DIAPH2: variants seen among roughly 807,000 people sequenced by gnomAD.
DIAPH2 encodes protein diaphanous homolog 2.
DIAPH2 carries 35 observed loss-of-function variants against 92.7 expected under a neutral mutation model. That is an observed-to-expected ratio of 0.38 (90% CI 0.29 to 0.50). The LOEUF is 0.50. DIAPH2 is among the 20% of genes least tolerant of loss of function. The probability of loss-of-function intolerance (pLI) is 0.94; values close to 1 mark genes in which losing one functional copy is unlikely to be tolerated. For missense variants in DIAPH2, 701 were observed against 819.5 expected (o/e 0.86, Z 1.77); for synonymous variants, 301 against 280.4 (o/e 1.07, Z -0.73).
intron 16 of DIAPH2, among the ~76,000 whole-genome samples, chrX:96,962,284 T>TATACAC (rs1556309981): frequency 5.4e-5 from 4 of 73,571 alleles, no homozygotes; most frequent in Admixed American, 1.6e-4. Context: ...CATATATATA[T>TATACAC]ACATATATAT....
intron 23 of DIAPH2, among the ~76,000 whole-genome samples, chrX:97,327,226 G>A (rs2068958786): frequency 9.1e-6 from 1 of 109,413 alleles, no homozygotes; most frequent in Non-Finnish European, 1.9e-5. Context: ...AGCCTCCAAA[G>A]TAGCTGGGAT....
At chrX:96,901,350 CTTCT>C (rs1257561416) in intron 5 of DIAPH2, among the ~76,000 whole-genome samples, 2 of 107,777 alleles carry the variant, frequency 1.9e-5, no homozygotes, top group African/African-American at 3.4e-5. Context: ...CATCTTCTCT[CTTCT>C]TTCTTTAATT....
chrX:97,390,208 CTTTTTTTTTTTTTT>C lies in DIAPH2; in HGVS notation c.3145+6180_3145+6193del, dbSNP rs142044871. Among the ~76,000 whole-genome samples the C allele has an allele frequency of 3.9e-4, 13 of 33,176 alleles. 1 individual carries two copies. The highest frequency in any genetic ancestry group is 6.0e-3 in the South Asian group (1 of 166). The allele number at this position is 33,176 out of a possible 115,157, so 28.8% of individuals were successfully genotyped here. ...GTTTATCTTTTTCCCTGCTTTCTGT[CTTTTTTTTTTTTTT>C]TTTTTTTTTTTTTTTGAGACAGGGT... On this transcript the variant is annotated intron_variant, in intron 25 of 26. Coordinates refer to ENST00000324765, the MANE Select transcript of DIAPH2 (RefSeq NM_006729.5).
chrX:97,287,019 A>G (rs1218543184), intron 23 of DIAPH2, among the ~76,000 whole-genome samples: 1 of 111,518 alleles, frequency 9.0e-6, no homozygotes. Flanking sequence ...CTTTTCCTCC[A>G]CTACATTTAC....
chrX:96,718,336 GTTTTTTTTTTTTTTTT>G (rs962776012), intron 1 of DIAPH2, among the ~76,000 whole-genome samples: 32 of 10,976 alleles, frequency 2.9e-3, no homozygotes, highest in East Asian at 6.9e-3. Flanking sequence ...CATTTTCTTT[GTTTTTTTTTTTTTTTT>G]TTTTTTTTTT....
intron 25 of DIAPH2, among the ~76,000 whole-genome samples, chrX:97,414,603 G>A (rs1342270801): frequency 9.7e-6 from 1 of 103,531 alleles, no homozygotes; most frequent in Non-Finnish European, 2.0e-5. Context: ...CAGTGAGTGG[G>A]AGATCACGCC....
chrX:96,961,715 G>GT (rs1354907470), intron 16 of DIAPH2, among the ~76,000 whole-genome samples: 3 of 108,172 alleles, frequency 2.8e-5, no homozygotes, highest in East Asian at 2.9e-4. Flanking sequence ...TTGATATATT[G>GT]TTTTTTTAAT....
rs866854661 is a variant in DIAPH2, at chrX:97,185,306, A to T, written c.2719+43512A>T. On this transcript the variant is annotated intron_variant, in intron 22 of 26. Transcript: ENST00000324765. ...TGAGACCCTGTCTCAAAAAAAAAAA[A>T]ATATATATATATATATATGTGTATA... Among the ~76,000 whole-genome samples, 54 of 34,452 alleles carry T rather than the reference A, an allele frequency of 1.6e-3. 3 individuals are homozygous for T. The highest frequency in any genetic ancestry group is 0.018 in the Middle Eastern group (1 of 56). The allele number at this position is 34,452 out of a possible 115,157, so 29.9% of individuals were successfully genotyped here.
chrX:97,305,123 C>T (rs1299420416), intron 23 of DIAPH2, among the ~76,000 whole-genome samples: 2 of 112,114 alleles, frequency 1.8e-5, no homozygotes, highest in Admixed American at 1.9e-4. Flanking sequence ...CTGTCCTAAG[C>T]TGAGCTGAGG....
chrX:97,340,360 A>G (rs769623298), intron 23 of DIAPH2, among the ~76,000 whole-genome samples: 1 of 111,441 alleles, frequency 9.0e-6, no homozygotes, highest in East Asian at 2.8e-4. Context: ...AGTCACACCA[A>G]TCATAATGGT....
chrX:96,749,701 G>A, intron 3 of DIAPH2, among the ~76,000 whole-genome samples: 1 of 111,611 alleles, frequency 9.0e-6, no homozygotes, highest in Non-Finnish European at 1.9e-5. Context: ...GGTTTAAATT[G>A]GACTTTAATA....
intron 22 of DIAPH2, among the ~76,000 whole-genome samples, chrX:97,144,343 GA>G (rs770389806): frequency 9.0e-6 from 1 of 111,277 alleles, no homozygotes; most frequent in East Asian, 2.8e-4. Flanking sequence ...ATTAAAGAAA[GA>G]AATAATACGT....
chrX:96,972,809 C>A (rs1053901619), intron 17 of DIAPH2, among the ~76,000 whole-genome samples: 1 of 110,987 alleles, frequency 9.0e-6, no homozygotes, highest in Non-Finnish European at 1.9e-5. Flanking sequence ...CTAGAGAATA[C>A]CATCAGTAAA....
intron 23 of DIAPH2, among the ~76,000 whole-genome samples, chrX:97,275,937 TG>T: frequency 9.1e-6 from 1 of 110,140 alleles, no homozygotes; most frequent in Non-Finnish European, 1.9e-5. Flanking sequence ...GGCTGGGAGG[TG>T]GAGGTTGTAG....
intron 22 of DIAPH2, among the ~76,000 whole-genome samples, chrX:97,168,273 T>A (rs12852821): frequency 9.2e-6 from 1 of 108,898 alleles, no homozygotes; most frequent in Admixed American, 9.9e-5. Flanking sequence ...TTTTTAGTAG[T>A]GACGGGGTTT....
chrX:96,707,646 T>C (rs747897197), intron 1 of DIAPH2, among the ~76,000 whole-genome samples: 3 of 108,184 alleles, frequency 2.8e-5, no homozygotes, highest in African/African-American at 1.0e-4. Flanking sequence ...AGACTCTGTC[T>C]CAAAAAAATA....
At chrX:96,972,077 T>TC (rs758685116) in intron 17 of DIAPH2, among the ~76,000 whole-genome samples, 2 of 111,557 alleles carry the variant, frequency 1.8e-5, no homozygotes, top group Admixed American at 1.9e-4. Context: ...GGCACCTTTT[T>TC]CCCCCGGTTT....
chrX:97,203,873 A>G lies in DIAPH2; in HGVS notation c.2720-43842A>G, dbSNP rs1470256293. Among the ~76,000 whole-genome samples, 3 of 112,042 alleles carry G rather than the reference A, an allele frequency of 2.7e-5. No homozygotes were observed. The Admixed American group carries it at 2.8e-4, about 11-fold the overall frequency. On this transcript the variant is annotated intron_variant, in intron 22 of 26. Transcript: ENST00000324765. ...ATGTGGCAGAGACACAACAAAAAAA[A>G]GGAAACTTCAGGCCAATATCCCTAA...
At chrX:97,046,340 CT>C (rs1157113869) in intron 17 of DIAPH2, among the ~76,000 whole-genome samples, 1 of 110,761 alleles carries the variant, frequency 9.0e-6, no homozygotes, top group Non-Finnish European at 1.9e-5. Flanking sequence ...TAGGAGGATC[CT>C]TTTCTCCTTT....
Sources: allele counts gnomAD v4.1 joint callset (sites outside exome capture counted in the v4.1 genomes callset), GRCh38; gene constraint gnomAD v4.1.1; transcripts MANE v1.5; gene names NCBI Gene and HGNC (gene_info 2026-07-23, HGNC 2026-07-21).